The following RSRC1 variants were observed in gnomAD, a reference collection of about 807,000 sequenced individuals.
RSRC1 encodes serine/Arginine-related protein 53.
Under a neutral mutation model 49.1 loss-of-function variants are expected in RSRC1, and 39 were observed. The ratio of observed to expected loss-of-function variants is 0.79; its 90% CI spans 0.61 to 1.04. The LOEUF is 1.04. Among genes scored for constraint, RSRC1 ranks in the 50% least tolerant of loss-of-function variants. The probability of loss-of-function intolerance (pLI) is 0.00; values close to 1 mark genes in which losing one functional copy is unlikely to be tolerated. For synonymous variants in RSRC1, 143 were observed against 130.8 expected (o/e 1.09, Z -0.63); for missense variants, 388 against 402.4 (o/e 0.96, Z 0.31).
chr3:158,156,640 T>A (rs1480124204), intron 3 of RSRC1, among the ~76,000 whole-genome samples: 1 of 152,094 alleles, frequency 6.6e-6, no homozygotes, highest in Non-Finnish European at 1.5e-5. Context: ...CATTGAAGGG[T>A]TATTAACTGG....
intron 6 of RSRC1, among the ~76,000 whole-genome samples, chr3:158,441,313 A>G (rs1479385729): frequency 6.6e-6 from 1 of 152,180 alleles, no homozygotes; most frequent in Non-Finnish European, 1.5e-5. Flanking sequence ...CTGAAGAGAC[A>G]AAGTCTACTA....
chr3:158,144,205 T>C (rs1192589327), intron 3 of RSRC1, among the ~76,000 whole-genome samples: 1 of 152,226 alleles, frequency 6.6e-6, no homozygotes, highest in Admixed American at 6.5e-5. Context: ...TACATATGTA[T>C]ACTTGTGCCA....
At chr3:158,455,979 CAAAAAAAAAAAAAAAAAAAAA>C (rs765828003) in intron 6 of RSRC1, among the ~76,000 whole-genome samples, 6 of 56,520 alleles carry the variant, frequency 1.1e-4, no homozygotes, top group South Asian at 1.9e-3. Flanking sequence ...GACTCCATCT[CAAAAAAAAAAAAAAAAAAAAA>C]AAAAAAAAAA....
chr3:158,428,896 G>A (rs1192697765), intron 6 of RSRC1, among the ~76,000 whole-genome samples: 2 of 151,838 alleles, frequency 1.3e-5, no homozygotes, highest in Non-Finnish European at 2.9e-5. Context: ...GAGACCTGAG[G>A]TATTTCTCTA....
intron 5 of RSRC1, among the ~76,000 whole-genome samples, chr3:158,336,007 G>A (rs1729861484): frequency 6.6e-6 from 1 of 152,200 alleles, no homozygotes; most frequent in Non-Finnish European, 1.5e-5. Flanking sequence ...CAGAGATTTA[G>A]AAGCAGTAAT....
chr3:158,210,160 A>G (rs1339150796), intron 4 of RSRC1, among the ~76,000 whole-genome samples: 2 of 152,074 alleles, frequency 1.3e-5, no homozygotes, highest in Non-Finnish European at 2.9e-5. Flanking sequence ...ATTTGCATAT[A>G]GGTTATAGAG....
At chr3:158,431,696 A>C (rs1442122432) in intron 6 of RSRC1, among the ~76,000 whole-genome samples, 1 of 151,938 alleles carries the variant, frequency 6.6e-6, no homozygotes, top group Admixed American at 6.6e-5. Context: ...AATTTTAAAT[A>C]CCTCTTTGGG....
intron 7 of RSRC1, among the ~76,000 whole-genome samples, chr3:158,526,952 T>C (rs2108495593): frequency 6.6e-6 from 1 of 152,050 alleles, no homozygotes; most frequent in East Asian, 1.9e-4. Flanking sequence ...TAACTGCTTC[T>C]AATCCATGTA....
intron 1 of RSRC1, among the ~76,000 whole-genome samples, chr3:158,115,396 T>C (rs915209520): frequency 6.6e-6 from 1 of 151,886 alleles, no homozygotes; most frequent in Non-Finnish European, 1.5e-5. Flanking sequence ...AGGACAGAAA[T>C]AGAGAATGGG....
chr3:158,332,631 T>G (rs1030181186), intron 5 of RSRC1, among the ~76,000 whole-genome samples: 1 of 152,178 alleles, frequency 6.6e-6, no homozygotes, highest in Non-Finnish European at 1.5e-5. Context: ...TCCTTATCTT[T>G]TAAAGATTTT....
At chr3:158,320,735 A>G (rs1278098648) in intron 5 of RSRC1, among the ~76,000 whole-genome samples, 3 of 152,162 alleles carry the variant, frequency 2.0e-5, no homozygotes, top group South Asian at 2.1e-4. Flanking sequence ...AGCTCATACA[A>G]TCATCTTGCT....
At chr3:158,337,921 T>C (rs147932774) in intron 5 of RSRC1, among the ~76,000 whole-genome samples, 1 of 152,256 alleles carries the variant, frequency 6.6e-6, no homozygotes, top group Non-Finnish European at 1.5e-5. Context: ...ATTTAATCTG[T>C]ACAAAATCTG....
chr3:158,505,730 G>C (rs1024180343), intron 7 of RSRC1, among the ~76,000 whole-genome samples: 12 of 137,294 alleles, frequency 8.7e-5, no homozygotes, highest in African/African-American at 3.3e-4. Flanking sequence ...GAAGAAAGTA[G>C]ATTGTAAACT....
At position 158,446,190 on chromosome 3, in the gene RSRC1, G is replaced by A. The variant is rs371580477; in HGVS notation, c.584-14745G>A. On this transcript the variant is annotated intron_variant, in intron 6 of 9. Coordinates refer to ENST00000611884, the MANE Select transcript of RSRC1 (RefSeq NM_001271838.2). ...TAAATACCATATTCAGTTTTAGAGG[G>A]CAGATTTTCACTCTCATAGCCTAAT... is the stretch of plus-strand genomic sequence containing the variant. Among the ~76,000 whole-genome samples, 66 of 152,016 alleles carry A rather than the reference G, an allele frequency of 4.3e-4. 1 individual carries two copies. In the South Asian group the frequency reaches 0.012, roughly 29 times the overall value.
intron 5 of RSRC1, among the ~76,000 whole-genome samples, chr3:158,331,358 T>G (rs1396515352): frequency 1.3e-5 from 2 of 152,226 alleles, no homozygotes; most frequent in Non-Finnish European, 2.9e-5. Context: ...TTGTTCTCTT[T>G]TAAGAATTAG....
chr3:158,131,951 A>G (rs1376453760), intron 3 of RSRC1: 3 of 201,410 alleles, frequency 1.5e-5, no homozygotes, highest in African/African-American at 6.8e-5. Context: ...GCCAGCATAA[A>G]TGCTATTGTT....
At chr3:158,531,830 C>G (rs1404078804) in intron 7 of RSRC1, among the ~76,000 whole-genome samples, 6 of 151,760 alleles carry the variant, frequency 4.0e-5, no homozygotes, top group African/African-American at 1.5e-4. Context: ...TATTTGAAAC[C>G]TGTGTTCATG....
chr3:158,295,948 C>G (rs1195096482), intron 4 of RSRC1, among the ~76,000 whole-genome samples: 2 of 152,026 alleles, frequency 1.3e-5, no homozygotes, highest in South Asian at 2.1e-4. Flanking sequence ...TTTGTGTGAA[C>G]ATTAATATCT....
At chr3:158,419,738 C>G (rs963120352) in intron 6 of RSRC1, among the ~76,000 whole-genome samples, 50 of 151,528 alleles carry the variant, frequency 3.3e-4, no homozygotes, top group Admixed American at 3.3e-3. Context: ...ATTGTAGTAC[C>G]TGTCCCCTCA....
Sources: gnomAD v4.1 joint callset for allele counts (sites outside exome capture counted in the v4.1 genomes callset) on GRCh38, gnomAD v4.1.1 for gene constraint, MANE v1.5 for transcripts, NCBI Gene and HGNC (gene_info 2026-07-23, HGNC 2026-07-21) for gene names.